The following NTM variants were observed in gnomAD, a reference collection of about 807,000 sequenced individuals.
NTM encodes the protein neurotrimin.
In NTM, 13 loss-of-function variants were observed where a neutral mutation model predicts 42.1. The ratio of observed to expected loss-of-function variants is 0.31; its 90% CI spans 0.20 to 0.49. The LOEUF is 0.49. Among genes scored for constraint, NTM ranks in the 20% least tolerant of loss-of-function variants. The pLI, the probability that NTM is intolerant of heterozygous loss-of-function variation, is 0.99. For synonymous variants in NTM, 187 were observed against 179.2 expected (o/e 1.04, Z -0.35); for missense variants, 373 against 452.8 (o/e 0.82, Z 1.60).
intron 1 of NTM, among the ~76,000 whole-genome samples, chr11:131,638,143 T>A (rs1371358981): frequency 6.6e-6 from 1 of 152,216 alleles, no homozygotes; most frequent in Non-Finnish European, 1.5e-5. Flanking sequence ...AGCATAGTAG[T>A]TACCAATCAC....
At chr11:131,968,742 T>G (rs1221751454) in intron 2 of NTM, among the ~76,000 whole-genome samples, 1 of 152,202 alleles carries the variant, frequency 6.6e-6, no homozygotes, top group Non-Finnish European at 1.5e-5. Flanking sequence ...AATTCCTTTT[T>G]CACTTTTATA....
At chr11:131,669,184 AAGAGAGAG>A (rs149747833) in intron 1 of NTM, among the ~76,000 whole-genome samples, 1 of 149,744 alleles carries the variant, frequency 6.7e-6, no homozygotes, top group Non-Finnish European at 1.5e-5. Flanking sequence ...CCCCCATCCA[AAGAGAGAG>A]AGAGAGAGAG....
At chr11:132,117,243 G>A (rs1034709022) in intron 2 of NTM, among the ~76,000 whole-genome samples, 1 of 152,316 alleles carries the variant, frequency 6.6e-6, no homozygotes. Context: ...GACAAAGAGA[G>A]TGTTTGCCAA....
chr11:131,839,420 G>A (rs1299256327), intron 1 of NTM, among the ~76,000 whole-genome samples: 1 of 152,192 alleles, frequency 6.6e-6, no homozygotes, highest in Non-Finnish European at 1.5e-5. Context: ...AGGAGATGAG[G>A]AAATGAGTCG....
intron 1 of NTM, among the ~76,000 whole-genome samples, chr11:131,665,279 A>G (rs2068840348): frequency 6.6e-6 from 1 of 152,216 alleles, no homozygotes; most frequent in Non-Finnish European, 1.5e-5. Context: ...TATTTTGGGT[A>G]AACAGTGATT....
intron 4 of NTM, among the ~76,000 whole-genome samples, chr11:132,223,625 A>G (rs1252863786): frequency 2.0e-5 from 3 of 152,230 alleles, no homozygotes; most frequent in Non-Finnish European, 4.4e-5. Context: ...GCTCACTGCT[A>G]TGTGCACCAA....
chr11:131,878,639 AT>A (rs1208225136), intron 1 of NTM, among the ~76,000 whole-genome samples: 13 of 124,010 alleles, frequency 1.0e-4, no homozygotes, highest in African/African-American at 3.5e-4. Context: ...ATATATATAT[AT>A]AATGTCTTAT....
chr11:131,400,724 G>A (rs1945040705), intron 1 of NTM, among the ~76,000 whole-genome samples: 1 of 152,130 alleles, frequency 6.6e-6, no homozygotes, highest in Admixed American at 6.5e-5. Context: ...CCTATGTACT[G>A]AACTGTAAGC....
intron 1 of NTM, among the ~76,000 whole-genome samples, chr11:131,764,216 G>T (rs912074245): frequency 1.3e-5 from 2 of 152,082 alleles, no homozygotes; most frequent in Non-Finnish European, 2.9e-5. Context: ...AATCTCTGTG[G>T]TTAATTAGCT....
intron 1 of NTM, among the ~76,000 whole-genome samples, chr11:131,476,768 C>T: frequency 6.6e-6 from 1 of 150,772 alleles, no homozygotes; most frequent in Non-Finnish European, 1.5e-5. Flanking sequence ...CCCACCCCAC[C>T]CACCCCTTCT....
At chr11:132,172,651 A>T (rs2076273076) in intron 3 of NTM, among the ~76,000 whole-genome samples, 1 of 152,194 alleles carries the variant, frequency 6.6e-6, no homozygotes, top group Non-Finnish European at 1.5e-5. Flanking sequence ...GCCTCACAAG[A>T]TATATAATTT....
rs76047815 is a variant in NTM at position 132,187,894 on chromosome 11, A to G, written c.401-24128A>G. ...CTAAAAAGAGAGTGATACGTAGGAG[A>G]AACTTCCAAAGAATTGCAATCTGTC... is the stretch of plus-strand genomic sequence containing the variant. On this transcript the variant is annotated intron_variant, in intron 3 of 8. Coordinates refer to ENST00000683400, the MANE Select transcript of NTM (RefSeq NM_001352005.2). Among the ~76,000 whole-genome samples, 813 of 152,320 alleles carry G rather than the reference A, an allele frequency of 5.3e-3. 5 individuals carry two copies. Among genetic ancestry groups the G allele is most frequent in the Middle Eastern group, 0.01 (3 of 292 alleles).
At chr11:131,411,784 G>A (rs1382103792) in intron 1 of NTM, among the ~76,000 whole-genome samples, 4 of 152,208 alleles carry the variant, frequency 2.6e-5, no homozygotes, top group Non-Finnish European at 4.4e-5. Flanking sequence ...AGAGCATTCC[G>A]GGCATATCAG....
At chr11:131,857,742 C>T (rs2046241069) in intron 1 of NTM, among the ~76,000 whole-genome samples, 1 of 152,068 alleles carries the variant, frequency 6.6e-6, no homozygotes, top group African/African-American at 2.4e-5. Context: ...TTAATCCTGG[C>T]CTATTATTTC....
intron 1 of NTM, among the ~76,000 whole-genome samples, chr11:131,796,913 A>T (rs2136195694): frequency 6.6e-6 from 1 of 152,348 alleles, no homozygotes; most frequent in Admixed American, 6.5e-5. Flanking sequence ...ACTTACAAAT[A>T]GTCAAAAGTG....
intron 1 of NTM, among the ~76,000 whole-genome samples, chr11:131,505,283 A>G (rs1477420978): frequency 6.6e-6 from 1 of 152,160 alleles, no homozygotes; most frequent in Non-Finnish European, 1.5e-5. Flanking sequence ...GCTAACAACG[A>G]TCATTTATTG....
intron 1 of NTM, among the ~76,000 whole-genome samples, chr11:131,448,632 G>A (rs182064891): frequency 6.6e-6 from 1 of 152,332 alleles, no homozygotes; most frequent in East Asian, 1.9e-4. Context: ...CAGAGCACAT[G>A]GAAGGAAGAG....
At chr11:132,241,329 T>C (rs1233932259) in intron 4 of NTM, among the ~76,000 whole-genome samples, 1 of 152,250 alleles carries the variant, frequency 6.6e-6, no homozygotes, top group Non-Finnish European at 1.5e-5. Flanking sequence ...ATATAAAGCC[T>C]ATTTTATTTG....
At chr11:131,573,608 GT>G (rs2057659172) in intron 1 of NTM, 1 of 152,186 alleles carries the variant, frequency 6.6e-6, no homozygotes, top group African/African-American at 2.4e-5. Flanking sequence ...TTCTGAAACA[GT>G]TCCCCCTCCT....
Sources: allele counts gnomAD v4.1 joint callset (sites outside exome capture counted in the v4.1 genomes callset), GRCh38; gene constraint gnomAD v4.1.1; transcripts MANE v1.5; gene names NCBI Gene and HGNC (gene_info 2026-07-23, HGNC 2026-07-21).